YEATS4: variants seen among roughly 807,000 people sequenced by gnomAD.
The protein encoded by YEATS4 is YEATS domain-containing protein 4.
Under a neutral mutation model 30.1 loss-of-function variants are expected in YEATS4, and 17 were observed. The ratio of observed to expected loss-of-function variants is 0.56; its 90% CI spans 0.39 to 0.85. YEATS4 has a LOEUF of 0.85. Ranked by LOEUF, YEATS4 falls within the 40% of genes least tolerant of loss-of-function variation. The pLI, the probability that YEATS4 is intolerant of heterozygous loss-of-function variation, is 0.00. For synonymous variants in YEATS4, 85 were observed against 87.5 expected, an observed-to-expected ratio of 0.97 and a Z score of 0.16; for missense variants, 142 against 268.3, an observed-to-expected ratio of 0.53 and a Z score of 3.29.
chr12:69,382,282 G>A (rs541261998), intron 6 of YEATS4, among the ~76,000 whole-genome samples: 25 of 152,284 alleles, frequency 1.6e-4, no homozygotes, highest in African/African-American at 5.3e-4. Flanking sequence ...TCCCTTAAGG[G>A]CACTGAGTTT....
the YEATS4 span, among the ~76,000 whole-genome samples, chr12:69,419,215 CTTT>C: frequency 8.6e-6 from 1 of 116,582 alleles, no homozygotes; most frequent in African/African-American, 3.1e-5. Context: ...TCCTATTTTA[CTTT>C]TTTTTTTTTT....
Position 69,390,261 on chromosome 12 carries a change from G to C in YEATS4, c.629G>C (p.Cys210Ser). 1 of 1,598,692 alleles carries C rather than the reference G, an allele frequency of 6.3e-7. No homozygotes were observed. Among genetic ancestry groups the C allele is most frequent in the Non-Finnish European group, 8.5e-7 (1 of 1,176,054 alleles). Residue 210 changes from cysteine (C) to serine (S), a missense_variant, in exon 7 of 7, where the codon TGT becomes TCT. Physicochemically the swap from Cys to Ser is moderately radical, Grantham distance 112. Coordinates refer to ENST00000247843, the MANE Select transcript of YEATS4 (RefSeq NM_006530.4). ...AAAGCAAGTCGTGAAACTATAAATT[G>C]TTTAAAAAATGAAATCAGAAAACTT... ...RLKASRETIN[C>S]LKNEIRKLEE...
In YEATS4 at chr12:69,390,144, T is replaced by C; in HGVS notation, c.515-3T>C. The C allele has an allele frequency of 6.4e-7, 1 of 1,572,372 alleles. No individual in the cohort carries two copies. On this transcript the variant is annotated splice_polypyrimidine_tract_variant and splice_region_variant and intron_variant, in intron 6 of 6. Coordinates refer to ENST00000247843, the MANE Select transcript of YEATS4 (RefSeq NM_006530.4). Reference sequence around the variant, plus strand: ...CTTTAGTAAAAGTATTTGTTTTCTTTAGTTGCAGAGCTTGAAGTGAAAACC... The same window carrying C: ...CTTTAGTAAAAGTATTTGTTTTCTTCAGTTGCAGAGCTTGAAGTGAAAACC...
chr12:69,389,664 C>T (rs1868293221), intron 6 of YEATS4, among the ~76,000 whole-genome samples: 1 of 151,434 alleles, frequency 6.6e-6, no homozygotes, highest in Non-Finnish European at 1.5e-5. Context: ...CAGGTGTGCA[C>T]CACCACGCCC....
chr12:69,395,855 G>A (rs944294024), downstream of YEATS4, among the ~76,000 whole-genome samples: 1 of 152,156 alleles, frequency 6.6e-6, no homozygotes, highest in Admixed American at 6.5e-5. Flanking sequence ...CGGTGAACTC[G>A]GATAAATAAC....
chr12:69,365,189 C>G (rs1565675052), intron 2 of YEATS4, among the ~76,000 whole-genome samples: 1 of 151,866 alleles, frequency 6.6e-6, no homozygotes, highest in Non-Finnish European at 1.5e-5. Context: ...GTGGCTCACG[C>G]CTGTAATTCC....
At chr12:69,362,016 T>TTTTTTTTTGTTTG (rs1555174248) in intron 1 of YEATS4, among the ~76,000 whole-genome samples, 16 of 111,318 alleles carry the variant, frequency 1.4e-4, no homozygotes, top group African/African-American at 4.9e-4. Flanking sequence ...TTTGGTTGTT[T>TTTTTTTTTGTTTG]TTTTTTTTTT....
At chr12:69,404,496 T>C in the YEATS4 span, among the ~76,000 whole-genome samples, 1 of 152,120 alleles carries the variant, frequency 6.6e-6, no homozygotes, top group Non-Finnish European at 1.5e-5. Flanking sequence ...AAAGATGAGT[T>C]TGGCCCTCAT....
At chr12:69,395,631 G>A (rs1213672619), downstream of YEATS4, among the ~76,000 whole-genome samples, 1 of 152,154 alleles carries the variant, frequency 6.6e-6, no homozygotes, top group Non-Finnish European at 1.5e-5. Flanking sequence ...TTTCATTTGA[G>A]TGAAAGAGAA....
rs200139453 is a variant in YEATS4 at position 69,365,770 on chromosome 12, TA to T, written c.239-19del. The T allele has an allele frequency of 1.3e-6, 2 of 1,527,874 alleles. No homozygotes were observed. The highest frequency in any genetic ancestry group is 1.8e-6 in the Non-Finnish European group (2 of 1,141,500). The allele number at this position is 1,527,874 out of a possible 1,614,324, so 94.6% of individuals were successfully genotyped here. On this transcript the variant is annotated intron_variant, in intron 3 of 6. Coordinates refer to ENST00000247843, the MANE Select transcript of YEATS4 (RefSeq NM_006530.4). Reference sequence around the variant, plus strand: ...CTAGGAAACTAAACCGATAATTTACTATTTTTTTTCTGTCTTTAGTTGTTAC... The same window carrying T: ...CTAGGAAACTAAACCGATAATTTACTTTTTTTTTCTGTCTTTAGTTGTTAC...
the YEATS4 span, among the ~76,000 whole-genome samples, chr12:69,411,867 G>T: frequency 6.6e-6 from 1 of 152,256 alleles, no homozygotes; most frequent in African/African-American, 2.4e-5. Flanking sequence ...AGTGAGCAAG[G>T]GGAAGGTAGC....
At chr12:69,363,304 A>C (rs141500729) in intron 2 of YEATS4, among the ~76,000 whole-genome samples, 20 of 152,234 alleles carry the variant, frequency 1.3e-4, no homozygotes, top group African/African-American at 4.8e-4. Context: ...ACAACCTGTA[A>C]TTTTTTATAG....
rs2120916103 is a variant in YEATS4 at position 69,365,813 on chromosome 12, A to G, written c.262A>G (p.Ile88Val). The change falls in exon 4 of 7, where the codon ATT becomes GTT. Residue 88 changes from isoleucine to valine, a missense_variant. Transcript: ENST00000247843. Reference sequence around the variant, plus strand: ...AGTTGTTACTAAACCTCCATATGAAATTACTGAAACAGGATGGGGTGAATT... The same window carrying G: ...AGTTGTTACTAAACCTCCATATGAAGTTACTGAAACAGGATGGGGTGAATT... The part of the protein sequence containing the change: ...LRVVTKPPYE[I>V]TETGWGEFEI... The G allele has an allele frequency of 6.2e-7, 1 of 1,610,132 alleles. No homozygotes were observed. Among genetic ancestry groups the G allele is most frequent in the East Asian group, 2.2e-5 (1 of 44,710 alleles).
chr12:69,359,901 T>C lies in YEATS4; in HGVS notation c.-72T>C, dbSNP rs1875113965. Reference sequence around the variant, plus strand: ...GGGCCCGCGCGACAGGAGCGCGGTCTCTGAGGGGAGCGGCGACCCCGCCAG... The same window carrying C: ...GGGCCCGCGCGACAGGAGCGCGGTCCCTGAGGGGAGCGGCGACCCCGCCAG... On this transcript the variant is annotated 5_prime_UTR_variant, in exon 1 of 7. Transcript: ENST00000247843. The C allele has an allele frequency of 5.0e-6, 8 of 1,594,846 alleles. No homozygotes were observed. Among genetic ancestry groups the C allele is most frequent in the African/African-American group, 1.3e-5 (1 of 74,318 alleles).
At chr12:69,388,217 T>TG (rs1868275740) in intron 6 of YEATS4, among the ~76,000 whole-genome samples, 1 of 152,198 alleles carries the variant, frequency 6.6e-6, no homozygotes, top group African/African-American at 2.4e-5. Flanking sequence ...CTCGCCACCA[T>TG]GCCCAGCTAA....
At chr12:69,372,537 G>GC (rs577122360) in intron 6 of YEATS4, among the ~76,000 whole-genome samples, 1 of 123,040 alleles carries the variant, frequency 8.1e-6, no homozygotes, top group Non-Finnish European at 1.6e-5. Context: ...TATCTCATGA[G>GC]TTTTTTTTTT....
chr12:69,359,885 C>T lies in YEATS4; in HGVS notation c.-88C>T. ...TAGAAACCCTCCGCCTGGGCCCGCG[C>T]GACAGGAGCGCGGTCTCTGAGGGGA... On this transcript the variant is annotated 5_prime_UTR_variant, in exon 1 of 7. Coordinates refer to ENST00000247843, the MANE Select transcript of YEATS4 (RefSeq NM_006530.4). 1 of 1,545,040 alleles carries T rather than the reference C, an allele frequency of 6.5e-7. No homozygotes were observed. The highest frequency in any genetic ancestry group is 8.9e-7 in the Non-Finnish European group (1 of 1,129,684).
chr12:69,391,763 G>T (rs193142823), downstream of YEATS4, among the ~76,000 whole-genome samples: 1 of 152,088 alleles, frequency 6.6e-6, no homozygotes, highest in Non-Finnish European at 1.5e-5. Flanking sequence ...CCCAAGTATC[G>T]CATAGGGCCT....
Position 69,390,239 on chromosome 12 carries a change from G to A in YEATS4, c.607G>A (p.Ala203Thr). ...EIAELKERLKASRETINCLKN... is the reference protein window; with the variant it reads ...EIAELKERLKTSRETINCLKN... Reference sequence around the variant, plus strand: ...TGCAGAGCTTAAGGAGAGATTAAAAGCAAGTCGTGAAACTATAAATTGTTT... The same window carrying A: ...TGCAGAGCTTAAGGAGAGATTAAAAACAAGTCGTGAAACTATAAATTGTTT... Residue 203 changes from alanine (A) to threonine (T), a missense_variant, in exon 7 of 7, where the codon GCA becomes ACA. Transcript: ENST00000247843. The A allele has an allele frequency of 6.2e-7, 1 of 1,601,636 alleles. No individual in the cohort carries two copies. The highest frequency in any genetic ancestry group is 1.1e-5 in the South Asian group (1 of 87,458).
Sources: allele counts gnomAD v4.1 joint callset (sites outside exome capture counted in the v4.1 genomes callset), GRCh38; gene constraint gnomAD v4.1.1; transcripts MANE v1.5; gene names NCBI Gene and HGNC (gene_info 2026-07-23, HGNC 2026-07-21).